The following WFIKKN2 variants were observed in gnomAD, a reference collection of about 807,000 sequenced individuals.
The protein encoded by WFIKKN2 is WAP, follistatin/kazal, immunoglobulin, kunitz and netrin domain containing 2, also known as WAP, Kazal, immunoglobulin, Kunitz and NTR domain-containing protein 2.
A neutral mutation model predicts 39.2 loss-of-function variants in WFIKKN2; 25 were observed. That is an observed-to-expected ratio of 0.64 (90% confidence interval 0.47 to 0.89). The LOEUF (loss-of-function observed/expected upper bound fraction) is 0.89. Ranked by LOEUF, WFIKKN2 falls within the 40% of genes least tolerant of loss-of-function variation. The pLI is 0.00. For missense variants in WFIKKN2, 770 were observed against 811.7 expected, an observed-to-expected ratio of 0.95 and a Z score of 0.62; for synonymous variants, 345 against 329.7, an observed-to-expected ratio of 1.05 and a Z score of -0.50.
At position 50,840,855 on chromosome 17, in the gene WFIKKN2, A is replaced by G. The variant is rs1248223297; in HGVS notation, c.1567A>G (p.Ser523Gly). Residue 523 changes from serine (S) to glycine (G), a missense_variant, in exon 2 of 2, where the codon AGC (serine) becomes GGC (glycine). Ser to Gly is a moderately conservative substitution (Grantham distance 56, BLOSUM62 0). Transcript: ENST00000311378. ...ATGCCCCTGCCCCAACGTGACCGTG[A>G]GCGAGATGCCGCTCATCATCATGGG... ...WACPCPNVTV[S>G]EMPLIIMGEV... 6.2e-7 allele frequency: 1 copy of G among 1,610,826 alleles called. No homozygotes were observed. The highest frequency in any genetic ancestry group is 8.5e-7 in the Non-Finnish European group (1 of 1,177,540).
chr17:50,840,495 G>A lies in WFIKKN2; in HGVS notation c.1207G>A (p.Ala403Thr). ...GPCKAYAPRW[A>T]YNSQTGQCQS... ...CTGCAAAGCCTACGCGCCTCGCTGG[G>A]CTTACAACAGCCAGACGGGCCAGTG... is the stretch of plus-strand genomic sequence containing the variant. The change falls in exon 2 of 2, where the codon GCT becomes ACT. Residue 403 changes from alanine (A) to threonine (T), a missense_variant. By Grantham distance (58) the Ala-to-Thr change is moderately conservative. Coordinates refer to ENST00000311378, the MANE Select transcript of WFIKKN2 (RefSeq NM_175575.6). 6.2e-7 allele frequency: 1 copy of A among 1,613,936 alleles called. No individual in the cohort carries two copies. Among genetic ancestry groups the A allele is most frequent in the East Asian group, 2.2e-5 (1 of 44,876 alleles).
chr17:50,840,700 A>C lies in WFIKKN2; in HGVS notation c.1412A>C (p.Glu471Ala). ...TTTGTCATCCTGGGCCGAGTCTCTG[A>C]GCTGACCGAGGAGCCTGACTCGGGC... ...SDFVILGRVS[E>A]LTEEPDSGRA... Residue 471 changes from glutamate (E) to alanine (A), a missense_variant, in exon 2 of 2, where the codon GAG becomes GCG. Physicochemically the swap from Glu to Ala is moderately radical, Grantham distance 107. Transcript: ENST00000311378. The C allele has an allele frequency of 6.2e-7, 1 of 1,613,870 alleles. No homozygotes were observed. The highest frequency in any genetic ancestry group is 8.5e-7 in the Non-Finnish European group (1 of 1,179,988).
chr17:50,840,776 C>T lies in WFIKKN2; in HGVS notation c.1488C>T (p.Leu496=), dbSNP rs761527505. 41 of 1,613,984 alleles carry T rather than the reference C, an allele frequency of 2.5e-5. No homozygotes were observed. In the South Asian group the frequency reaches 3.5e-4, roughly 14 times the overall value. Residue 496 remains leucine (L), a synonymous_variant, in exon 2 of 2, where the codon CTC becomes CTT. Coordinates refer to ENST00000311378, the MANE Select transcript of WFIKKN2 (RefSeq NM_175575.6). ...TCCTAAAGGATGAGAAAATGGGCCT[C>T]AAGTTCCTGGGCCAGGAGCCATTGG... ...DEVLKDEKMG[L]KFLGQEPLEV...
chr17:50,839,332 A>C (rs538475209), intron 1 of WFIKKN2, among the ~76,000 whole-genome samples, 167 bp from the exon 2 acceptor site: 1 of 152,342 alleles, frequency 6.6e-6, no homozygotes, highest in Non-Finnish European at 1.5e-5. Flanking sequence ...ACAGGGGCCT[A>C]GCATGTAGGA....
Position 50,840,798 on chromosome 17 carries a change from T to C in WFIKKN2, c.1510T>C (p.Leu504=), listed in dbSNP as rs115504207. The change falls in exon 2 of 2, where the codon TTG becomes CTG. Residue 504 remains leucine (L), a synonymous_variant. Transcript: ENST00000311378. The part of the protein sequence containing the change: ...MGLKFLGQEP[L]EVTLLHVDWA... ...CCTCAAGTTCCTGGGCCAGGAGCCA[T>C]TGGAGGTCACTCTGCTTCACGTGGA... is the stretch of plus-strand genomic sequence containing the variant. 9.2e-4 allele frequency: 1,478 copies of C among 1,614,034 alleles called. 19 individuals are homozygous for C. In the African/African-American group the frequency reaches 0.018, roughly 19 times the overall value.
At chr17:50,836,216 G>C in intron 1 of WFIKKN2, 69 bp downstream of exon 1, 2 of 1,551,766 alleles carry the variant, frequency 1.3e-6, no homozygotes, top group Non-Finnish European at 1.8e-6. Flanking sequence ...GAGCCGTCGG[G>C]GAGGGACTGT....
intron 1 of WFIKKN2, 152 bp from the exon 2 acceptor site, chr17:50,839,347 C>A (rs1971999312): frequency 1.4e-6 from 1 of 709,896 alleles, no homozygotes. Flanking sequence ...GTAGGAGATG[C>A]TACGTATGCA....
chr17:50,839,690 C>T lies in WFIKKN2; in HGVS notation c.402C>T (p.Cys134=). 6.2e-7 allele frequency: 1 copy of T among 1,614,244 alleles called. No individual in the cohort carries two copies. Among genetic ancestry groups the T allele is most frequent in the Non-Finnish European group, 8.5e-7 (1 of 1,180,042 alleles). The part of the protein sequence containing the change: ...DIWDGQPVCK[C]KDRCEKEPSF... ...GGGATGGCCAGCCCGTGTGTAAGTGCAAAGACCGCTGTGAGAAGGAGCCCA... is the reference window on the plus strand; with the variant it reads ...GGGATGGCCAGCCCGTGTGTAAGTGTAAAGACCGCTGTGAGAAGGAGCCCA... Residue 134 remains cysteine (C), a synonymous_variant, in exon 2 of 2, where the codon TGC becomes TGT. Coordinates refer to ENST00000311378, the MANE Select transcript of WFIKKN2 (RefSeq NM_175575.6).
rs529211046 is a variant in WFIKKN2 at position 50,838,843 on chromosome 17, C to T, written c.211-656C>T. ...CTCTGTTCCCCGTGTGTGTCGGTCT[C>T]CTTGAGGGGAGGAGAGGTGTGGATC... On this transcript the variant is annotated intron_variant, in intron 1 of 1. Coordinates refer to ENST00000311378, the MANE Select transcript of WFIKKN2 (RefSeq NM_175575.6). Among the ~76,000 whole-genome samples the T allele has an allele frequency of 4.6e-5, 7 of 152,256 alleles. No individual in the cohort carries two copies. The South Asian group carries it at 1.5e-3, about 32-fold the overall frequency.
chr17:50,835,183 G>C (rs931188460), upstream of WFIKKN2, among the ~76,000 whole-genome samples: 5 of 152,240 alleles, frequency 3.3e-5, no homozygotes, highest in African/African-American at 1.2e-4. Flanking sequence ...AGGGCACAGC[G>C]CGGCGCAGGC....
At chr17:50,839,395 G>A in intron 1 of WFIKKN2, 104 bp from the exon 2 acceptor site, 1 of 1,084,938 alleles carries the variant, frequency 9.2e-7, no homozygotes, top group Non-Finnish European at 1.3e-6. Flanking sequence ...CCCACTAGAT[G>A]GTGAGTACAT....
chr17:50,835,854 T>C lies in WFIKKN2; in HGVS notation c.-84T>C. ...TGCTGGGGTGGGGAGGGCAGGTGTC[T>C]GCAGCCCCTGAGAAGAAGGCCCTGG... On this transcript the variant is annotated 5_prime_UTR_variant, in exon 1 of 2. Transcript: ENST00000311378. The C allele has an allele frequency of 6.9e-7, 1 of 1,456,758 alleles. No homozygotes were observed. The highest frequency in any genetic ancestry group is 9.2e-7 in the Non-Finnish European group (1 of 1,082,938). The allele number at this position is 1,456,758 out of a possible 1,614,324, so 90.2% of individuals were successfully genotyped here.
In WFIKKN2 at chr17:50,840,123, C is replaced by A; in HGVS notation, c.835C>A (p.Leu279Met). 3 of 1,607,456 alleles carry A rather than the reference C, an allele frequency of 1.9e-6. No individual in the cohort carries two copies. Among genetic ancestry groups the A allele is most frequent in the Middle Eastern group, 1.7e-4 (1 of 6,048 alleles). Residue 279 changes from leucine (L) to methionine (M), a missense_variant, in exon 2 of 2, where the codon CTG becomes ATG. Leu to Met is a conservative substitution (Grantham distance 15). Transcript: ENST00000311378. ...CCAGCTGGTCATCTATAACGCCCAG[C>A]TGCAGGATGCTGGGATCTACACCTG... is the stretch of plus-strand genomic sequence containing the variant. ...IAQLVIYNAQ[L>M]QDAGIYTCTA...
chr17:50,839,996 G>A lies in WFIKKN2; in HGVS notation c.708G>A (p.Arg236=). Residue 236 remains arginine (R), a synonymous_variant, in exon 2 of 2, where the codon CGG becomes CGA. Coordinates refer to ENST00000311378, the MANE Select transcript of WFIKKN2 (RefSeq NM_175575.6). The stretch of plus-strand genomic sequence containing the variant: ...GCTTCCTCTGTGATGTGGTGGGCCG[G>A]CCCCGGCCTGAGATCACCTGGGAGA... ...TVSFLCDVVG[R]PRPEITWEKQ... The A allele has an allele frequency of 6.2e-7, 1 of 1,614,210 alleles. No individual in the cohort carries two copies. Among genetic ancestry groups the A allele is most frequent in the East Asian group, 2.2e-5 (1 of 44,886 alleles).
rs117531376 is a variant in WFIKKN2 at position 50,837,193 on chromosome 17, C to T, written c.210+1046C>T. ...ACAGTTGTCATGGCCAGTGAGGGAA[C>T]GATGAGCTTGGAACTCATGTCTAAC... is the stretch of plus-strand genomic sequence containing the variant. On this transcript the variant is annotated intron_variant, in intron 1 of 1. Transcript: ENST00000311378. Among the ~76,000 whole-genome samples the T allele has an allele frequency of 1.5e-3, 221 of 152,270 alleles. 1 individual carries two copies. Among genetic ancestry groups the T allele is most frequent in the African/African-American group, 4.6e-3 (192 of 41,562 alleles).
chr17:50,840,674 C>G lies in WFIKKN2; in HGVS notation c.1386C>G (p.Asp462Glu). The change falls in exon 2 of 2, where the codon GAC becomes GAG. Residue 462 changes from aspartate to glutamate, a missense_variant. Transcript: ENST00000311378. ...QKLVTSFCRS[D>E]FVILGRVSEL... ...TCGTTACCAGCTTCTGTCGCAGCGACTTTGTCATCCTGGGCCGAGTCTCTG... is the reference window on the plus strand; with the variant it reads ...TCGTTACCAGCTTCTGTCGCAGCGAGTTTGTCATCCTGGGCCGAGTCTCTG... 1.9e-6 allele frequency: 3 copies of G among 1,613,972 alleles called. No individual in the cohort carries two copies. The highest frequency in any genetic ancestry group is 2.2e-5 in the South Asian group (2 of 91,080).
chr17:50,835,932 T>G lies in WFIKKN2; in HGVS notation c.-6T>G, dbSNP rs1165721874. The stretch of plus-strand genomic sequence containing the variant: ...GGGGAGGTCTCTAGCCGCCCCAGCC[T>G]GCACCATGTGGGCCCCAAGGTGTCG... On this transcript the variant is annotated 5_prime_UTR_variant, in exon 1 of 2. Coordinates refer to ENST00000311378, the MANE Select transcript of WFIKKN2 (RefSeq NM_175575.6). 2 of 1,610,208 alleles carry G rather than the reference T, an allele frequency of 1.2e-6. No individual in the cohort carries two copies. Among genetic ancestry groups the G allele is most frequent in the Non-Finnish European group, 1.7e-6 (2 of 1,178,418 alleles).
chr17:50,836,963 C>T (rs1012460244), intron 1 of WFIKKN2, among the ~76,000 whole-genome samples: 2 of 152,356 alleles, frequency 1.3e-5, no homozygotes, highest in Admixed American at 1.3e-4. Flanking sequence ...TCTATTAACA[C>T]CGAAGCCTGG....
At chr17:50,838,075 GTC>G (rs963170369) in intron 1 of WFIKKN2, among the ~76,000 whole-genome samples, 8 of 152,118 alleles carry the variant, frequency 5.3e-5, no homozygotes, top group African/African-American at 1.9e-4. Context: ...GGACCTCCAG[GTC>G]CTGAATGTCT....
Sources: allele counts gnomAD v4.1 joint callset (sites outside exome capture counted in the v4.1 genomes callset), GRCh38; gene constraint gnomAD v4.1.1; transcripts MANE v1.5; gene names NCBI Gene and HGNC (gene_info 2026-07-23, HGNC 2026-07-21).